TMOD3: variants seen among roughly 807,000 people sequenced by gnomAD.
The protein encoded by TMOD3 is tropomodulin-3.
Under a neutral mutation model 39.2 loss-of-function variants are expected in TMOD3, and 20 were observed. The observed-to-expected ratio is 0.51, with a 90% CI of 0.36 to 0.74. TMOD3 has a LOEUF of 0.74. Among genes scored for constraint, TMOD3 ranks in the 30% least tolerant of loss-of-function variants. TMOD3 has a pLI of 0.00. For missense variants in TMOD3, 381 were observed against 412.8 expected (o/e 0.92, Z 0.67); for synonymous variants, 143 against 145.8 (o/e 0.98, Z 0.14).
intron 9 of TMOD3, among the ~76,000 whole-genome samples, chr15:51,903,074 G>A (rs1372769847): frequency 3.3e-5 from 5 of 152,144 alleles, no homozygotes; most frequent in Non-Finnish European, 5.9e-5. Context: ...GTGAGCCACC[G>A]CACCTGGGCC....
rs1021135419 is a variant in TMOD3, at chr15:51,913,650, GA to G, written c.*4846del. ...CTGATCATTCAGAAAGGTCAACCTA[GA>G]AAAAAGACATGGCTAAGTAAACTAT... is the stretch of plus-strand genomic sequence containing the variant. On this transcript the variant is annotated 3_prime_UTR_variant, in exon 10 of 10. Coordinates refer to ENST00000308580, the MANE Select transcript of TMOD3 (RefSeq NM_014547.5). 11 of 152,102 alleles carry G rather than the reference GA, an allele frequency of 7.2e-5. No individual in the cohort carries two copies. The highest frequency in any genetic ancestry group is 2.7e-4 in the African/African-American group (11 of 41,418). 9.4% of individuals were successfully genotyped at this position (152,102 alleles called of 1,614,324 possible).
intron 7 of TMOD3, among the ~76,000 whole-genome samples, chr15:51,896,775 G>A (rs1188339195): frequency 6.6e-6 from 1 of 151,038 alleles, no homozygotes. Flanking sequence ...TGTAGTATAT[G>A]CTGTTCTGCA....
chr15:51,856,263 A>AAAAAAC (rs1438857917), intron 1 of TMOD3, among the ~76,000 whole-genome samples: 7 of 152,218 alleles, frequency 4.6e-5, no homozygotes, highest in African/African-American at 1.7e-4. Flanking sequence ...ACCTTGTCTT[A>AAAAAAC]AAAAACAAAA....
rs1375456363 is a variant in TMOD3 at position 51,909,505 on chromosome 15, A to T, written c.*695A>T. The T allele has an allele frequency of 6.6e-6, 1 of 152,636 alleles. No homozygotes were observed. The highest frequency in any genetic ancestry group is 2.4e-5 in the African/African-American group (1 of 41,446). 9.5% of individuals were successfully genotyped at this position (152,636 alleles called of 1,614,324 possible). On this transcript the variant is annotated 3_prime_UTR_variant, in exon 10 of 10. Coordinates refer to ENST00000308580, the MANE Select transcript of TMOD3 (RefSeq NM_014547.5). ...TAAAAGTATAGTGAGGTCGAAGTTC[A>T]TTCCAGTGTTTCATTTTAATAATGT... is the stretch of plus-strand genomic sequence containing the variant.
intron 1 of TMOD3, among the ~76,000 whole-genome samples, chr15:51,841,165 C>T (rs1259425215): frequency 6.6e-6 from 1 of 152,110 alleles, no homozygotes; most frequent in African/African-American, 2.4e-5. Flanking sequence ...TGATAAAGTG[C>T]CTGGCATATA....
At chr15:51,881,103 A>G (rs1291355223) in intron 3 of TMOD3, among the ~76,000 whole-genome samples, 1 of 152,104 alleles carries the variant, frequency 6.6e-6, no homozygotes, top group Non-Finnish European at 1.5e-5. Context: ...ACTCGTGTAT[A>G]TTTGTTTGCT....
At chr15:51,890,600 A>G (rs376419200) in intron 5 of TMOD3, among the ~76,000 whole-genome samples, 1 of 152,310 alleles carries the variant, frequency 6.6e-6, no homozygotes, top group East Asian at 1.9e-4. Flanking sequence ...TGCATGTGAG[A>G]AAGCTGACAT....
intron 7 of TMOD3, 47 bp from the exon 8 acceptor site, chr15:51,900,104 AGTAG>A: frequency 6.5e-7 from 1 of 1,537,408 alleles, no homozygotes; most frequent in Non-Finnish European, 9.0e-7. Context: ...TACAATATGT[AGTAG>A]GTACTGTATC....
At position 51,900,286 on chromosome 15, in the gene TMOD3, G is replaced by A. The variant is rs1308909574; in HGVS notation, c.867G>A (p.Lys289=). The change falls in exon 8 of 10, where the codon AAG becomes AAA. Residue 289 remains lysine, a synonymous_variant. Coordinates refer to ENST00000308580, the MANE Select transcript of TMOD3 (RefSeq NM_014547.5). ...ATAATGAAACCCTGGCAGAGCTCAA[G>A]ATTGACAATCAGGTCAATGTTCTAC... ...LRDNETLAEL[K]IDNQRQQLGT... 3 of 1,614,132 alleles carry A rather than the reference G, an allele frequency of 1.9e-6. No homozygotes were observed. Among genetic ancestry groups the A allele is most frequent in the Non-Finnish European group, 1.7e-6 (2 of 1,180,018 alleles).
intron 2 of TMOD3, among the ~76,000 whole-genome samples, chr15:51,864,264 C>CAA (rs33983902): frequency 0.44 from 45,337 of 103,370 alleles, 8,780 homozygotes; most frequent in Middle Eastern, 0.51. Flanking sequence ...AGACTTATCT[C>CAA]AAAAAAAAAA....
intron 1 of TMOD3, among the ~76,000 whole-genome samples, chr15:51,837,928 A>G (rs1398100713): frequency 6.6e-6 from 1 of 152,188 alleles, no homozygotes; most frequent in African/African-American, 2.4e-5. Flanking sequence ...GGTATAGCAC[A>G]CAAGGGGAGC....
At chr15:51,876,358 C>T (rs1463251500) in intron 3 of TMOD3, among the ~76,000 whole-genome samples, 3 of 151,938 alleles carry the variant, frequency 2.0e-5, no homozygotes, top group Admixed American at 6.6e-5. Context: ...TTTTTAGAGG[C>T]GGGTCTTGCT....
chr15:51,887,189 C>T (rs1232298396), intron 3 of TMOD3, among the ~76,000 whole-genome samples: 1 of 149,348 alleles, frequency 6.7e-6, no homozygotes, highest in African/African-American at 2.5e-5. Context: ...CCACTACACT[C>T]CAGCCTGGGC....
intron 1 of TMOD3, among the ~76,000 whole-genome samples, chr15:51,839,211 G>T (rs147255892): frequency 9.3e-5 from 11 of 117,942 alleles, no homozygotes; most frequent in African/African-American, 1.2e-4. Flanking sequence ...TCACTCTGTT[G>T]CCTAGGCTGG....
At chr15:51,895,092 G>A (rs1296482713) in intron 6 of TMOD3, among the ~76,000 whole-genome samples, 1 of 152,094 alleles carries the variant, frequency 6.6e-6, no homozygotes, top group Non-Finnish European at 1.5e-5. Context: ...GACAAGTGGA[G>A]GAGAGCATCT....
At chr15:51,843,378 C>G (rs1301105680) in intron 1 of TMOD3, among the ~76,000 whole-genome samples, 1 of 151,952 alleles carries the variant, frequency 6.6e-6, no homozygotes, top group Non-Finnish European at 1.5e-5. Flanking sequence ...ATTCTTAGAG[C>G]AAGTAGGAAG....
intron 1 of TMOD3, among the ~76,000 whole-genome samples, chr15:51,850,095 A>G (rs148430675): frequency 1.9e-3 from 287 of 152,276 alleles, no homozygotes; most frequent in African/African-American, 6.6e-3. Context: ...AATATAGACA[A>G]TTCTTTTAAG....
Position 51,887,637 on chromosome 15 carries a change from A to T in TMOD3, c.332A>T (p.Glu111Val). ...AAACCTGTACAGACTTTTACAGAAG[A>T]AAAAGTGTCTCTTGATCCAGAATTA... The part of the protein sequence containing the change: ...KQKPVQTFTE[E>V]KVSLDPELEE... The change falls in exon 4 of 10, where the codon GAA becomes GTA. Residue 111 changes from glutamate to valine, a missense_variant. Transcript: ENST00000308580. 6.2e-7 allele frequency: 1 copy of T among 1,613,874 alleles called. No individual in the cohort carries two copies. The highest frequency in any genetic ancestry group is 8.5e-7 in the Non-Finnish European group (1 of 1,179,840).
chr15:51,830,479 A>G (rs1483521158), intron 1 of TMOD3, among the ~76,000 whole-genome samples: 6 of 152,172 alleles, frequency 3.9e-5, no homozygotes, highest in African/African-American at 1.4e-4. Flanking sequence ...GCAAGCCTGC[A>G]TTCTGATTAC....
Sources: allele counts gnomAD v4.1 joint callset (sites outside exome capture counted in the v4.1 genomes callset), GRCh38; gene constraint gnomAD v4.1.1; transcripts MANE v1.5; gene names NCBI Gene and HGNC (gene_info 2026-07-23, HGNC 2026-07-21).